Variants in ATRNL1 observed in about 807,000 individuals in gnomAD.
The protein encoded by ATRNL1 is attractin like 1, also known as attractin-like protein 1.
Under a neutral mutation model 182.7 loss-of-function variants are expected in ATRNL1, and 95 were observed. That is an observed-to-expected ratio of 0.52 (90% CI 0.44 to 0.62). The LOEUF (loss-of-function observed/expected upper bound fraction) is 0.62, where lower values mean the gene tolerates loss of function less well. Among genes scored for constraint, ATRNL1 ranks in the 20% least tolerant of loss-of-function variants. The pLI, the probability that ATRNL1 is intolerant of heterozygous loss-of-function variation, is 0.00. For missense variants in ATRNL1, 1,471 were observed against 1,679.5 expected (o/e 0.88, Z 2.17); for synonymous variants, 576 against 568.3 (o/e 1.01, Z -0.19).
intron 28 of ATRNL1, among the ~76,000 whole-genome samples, chr10:115,863,775 A>G (rs1951371255): frequency 6.6e-6 from 1 of 152,226 alleles, no homozygotes; most frequent in African/African-American, 2.4e-5. Context: ...ACCATTCTCC[A>G]ATAAAATGAA....
chr10:115,334,463 A>C, intron 19 of ATRNL1, 44 bp downstream of exon 19: 5 of 1,435,778 alleles, frequency 3.5e-6, no homozygotes, highest in Non-Finnish European at 4.7e-6. Flanking sequence ...TTACTAAGGA[A>C]AAGATAATTA....
chr10:115,865,356 TTA>T (rs1363307551), intron 28 of ATRNL1, among the ~76,000 whole-genome samples: 6 of 152,270 alleles, frequency 3.9e-5, no homozygotes, highest in African/African-American at 1.4e-4. Flanking sequence ...ATGTCTAAAT[TTA>T]TCTCAAAGTA....
intron 10 of ATRNL1, among the ~76,000 whole-genome samples, chr10:115,244,438 G>C (rs1363344555): frequency 2.6e-5 from 4 of 151,900 alleles, no homozygotes; most frequent in African/African-American, 9.6e-5. Flanking sequence ...TTTGGAGGTT[G>C]GTTGGAAAAA....
intron 19 of ATRNL1, among the ~76,000 whole-genome samples, chr10:115,362,667 C>T (rs1592523855): frequency 6.6e-6 from 1 of 152,182 alleles, no homozygotes; most frequent in Non-Finnish European, 1.5e-5. Flanking sequence ...CTATCCCTCC[C>T]ACCTCCTCCC....
At chr10:115,231,510 G>A (rs1849950792) in intron 9 of ATRNL1, among the ~76,000 whole-genome samples, 1 of 152,158 alleles carries the variant, frequency 6.6e-6, no homozygotes, top group Admixed American at 6.5e-5. Flanking sequence ...GGTAAGGGAT[G>A]TGGGACAAGA....
chr10:115,365,856 T>G (rs1857008317), intron 19 of ATRNL1, among the ~76,000 whole-genome samples: 1 of 152,184 alleles, frequency 6.6e-6, no homozygotes, highest in African/African-American at 2.4e-5. Flanking sequence ...AATCCTGAGT[T>G]CTAGTTTGAT....
chr10:115,235,515 T>C (rs1033769151), intron 9 of ATRNL1, among the ~76,000 whole-genome samples: 1 of 152,166 alleles, frequency 6.6e-6, no homozygotes, highest in Non-Finnish European at 1.5e-5. Context: ...CTTTCACTTA[T>C]TGTAATTTTT....
At chr10:115,824,570 C>A (rs1215833873) in intron 27 of ATRNL1, among the ~76,000 whole-genome samples, 1 of 151,770 alleles carries the variant, frequency 6.6e-6, no homozygotes, top group African/African-American at 2.4e-5. Flanking sequence ...CTTAAAGAAA[C>A]TTACAAGAAA....
At chr10:115,851,843 C>G (rs1310308928) in intron 28 of ATRNL1, among the ~76,000 whole-genome samples, 1 of 152,064 alleles carries the variant, frequency 6.6e-6, no homozygotes, top group Non-Finnish European at 1.5e-5. Flanking sequence ...TGTCTTCTGA[C>G]CTCAAAGTGG....
At chr10:115,137,672 C>T (rs533050421) in intron 5 of ATRNL1, among the ~76,000 whole-genome samples, 1 of 152,234 alleles carries the variant, frequency 6.6e-6, no homozygotes, top group East Asian at 1.9e-4. Context: ...AGGGAAAGAC[C>T]TGCCCCCATG....
intron 26 of ATRNL1, among the ~76,000 whole-genome samples, chr10:115,623,705 A>G (rs1309657408): frequency 6.6e-6 from 1 of 152,188 alleles, no homozygotes; most frequent in Non-Finnish European, 1.5e-5. Context: ...TAAAAATACT[A>G]ATAAATGAGA....
intron 27 of ATRNL1, among the ~76,000 whole-genome samples, chr10:115,786,426 T>C (rs559940342): frequency 2.6e-5 from 4 of 152,282 alleles, no homozygotes; most frequent in African/African-American, 9.6e-5. Context: ...CTAGGAAGAA[T>C]CATTGCCTCT....
intron 26 of ATRNL1, among the ~76,000 whole-genome samples, chr10:115,633,231 A>G (rs1565231645): frequency 6.6e-6 from 1 of 152,150 alleles, no homozygotes. Flanking sequence ...ATTTTAAGCG[A>G]CAATCTTCTT....
chr10:115,150,256 A>G (rs1390401836), intron 5 of ATRNL1, among the ~76,000 whole-genome samples: 1 of 150,724 alleles, frequency 6.6e-6, no homozygotes, highest in African/African-American at 2.4e-5. Context: ...TTGTTGCTTA[A>G]TCTAGCAAGT....
At chr10:115,185,145 A>G (rs1170773376) in intron 8 of ATRNL1, among the ~76,000 whole-genome samples, 2 of 152,050 alleles carry the variant, frequency 1.3e-5, no homozygotes, top group African/African-American at 4.8e-5. Flanking sequence ...AAATAGATAC[A>G]TGGATATGTA....
chr10:115,094,152 C>T lies in ATRNL1; in HGVS notation c.293+109C>T, dbSNP rs1192577992. On this transcript the variant is annotated intron_variant, in intron 1 of 28. Coordinates refer to ENST00000355044, the MANE Select transcript of ATRNL1 (RefSeq NM_207303.4). ...GCCCCCGTCGCTGCCTCTGATCCCC[C>T]GGCCGTGAGTGAACCTCAGCGCGCG... 10 of 1,130,744 alleles carry T rather than the reference C, an allele frequency of 8.8e-6. No homozygotes were observed. In the African/African-American group the frequency reaches 1.5e-4, roughly 17 times the overall value. The allele number at this position is 1,130,744 out of a possible 1,614,324, so 70.0% of individuals were successfully genotyped here. A position where few individuals can be genotyped will look rare whatever the true frequency, so the allele number is the denominator to read the frequency against.
At chr10:115,575,717 G>T (rs1185648888) in intron 26 of ATRNL1, among the ~76,000 whole-genome samples, 16 of 152,012 alleles carry the variant, frequency 1.1e-4, no homozygotes, top group African/African-American at 3.6e-4. Context: ...ATAGTGAAAT[G>T]ATTATTATAA....
intron 25 of ATRNL1, among the ~76,000 whole-genome samples, chr10:115,534,658 G>A (rs978478066): frequency 6.6e-6 from 1 of 152,006 alleles, no homozygotes; most frequent in Non-Finnish European, 1.5e-5. Flanking sequence ...TATGGTGTTA[G>A]CTGGTTATTT....
intron 28 of ATRNL1, among the ~76,000 whole-genome samples, chr10:115,905,140 T>G (rs1174410885): frequency 1.3e-5 from 2 of 152,216 alleles, no homozygotes; most frequent in Non-Finnish European, 2.9e-5. Context: ...GTAATTAGTC[T>G]AGTGCCCAGG....
Sources: gnomAD v4.1 joint callset for allele counts (sites outside exome capture counted in the v4.1 genomes callset) on GRCh38, gnomAD v4.1.1 for gene constraint, MANE v1.5 for transcripts, NCBI Gene and HGNC (gene_info 2026-07-23, HGNC 2026-07-21) for gene names.